Variants in KAZN observed in about 807,000 individuals in gnomAD.
KAZN encodes the protein kazrin, periplakin interacting protein.
In KAZN, 40 loss-of-function variants were observed where a neutral mutation model predicts 87.4. The observed-to-expected ratio is 0.46, with a 90% CI of 0.36 to 0.60. The LOEUF (loss-of-function observed/expected upper bound fraction) is 0.60. Among genes scored for constraint, KAZN ranks in the 20% least tolerant of loss-of-function variants. The probability of loss-of-function intolerance (pLI) is 0.00; values close to 1 mark genes in which losing one functional copy is unlikely to be tolerated. For synonymous variants in KAZN, 466 were observed against 458.3 expected (o/e 1.02, Z -0.22); for missense variants, 898 against 1,073.9 (o/e 0.84, Z 2.29).
chr1:14,901,565 C>G (rs1655911198), intron 1 of KAZN, among the ~76,000 whole-genome samples: 1 of 152,102 alleles, frequency 6.6e-6, no homozygotes, highest in Non-Finnish European at 1.5e-5. Flanking sequence ...CAGCAGGAGG[C>G]TGCTGTGATC....
chr1:14,387,407 A>C (rs1187826423), intron 2 of KAZN, among the ~76,000 whole-genome samples: 1 of 151,996 alleles, frequency 6.6e-6, no homozygotes, highest in African/African-American at 2.4e-5. Flanking sequence ...TAGAGTTTCC[A>C]GTTTTTCTGC....
chr1:14,484,760 G>T (rs1669260921), intron 2 of KAZN, among the ~76,000 whole-genome samples: 1 of 152,204 alleles, frequency 6.6e-6, no homozygotes, highest in African/African-American at 2.4e-5. Context: ...TCTCTCACAT[G>T]TCTGGGGCAT....
intron 1 of KAZN, among the ~76,000 whole-genome samples, chr1:13,943,788 T>C (rs1290373702): frequency 2.5e-4 from 38 of 152,180 alleles, no homozygotes. Context: ...GAAAAGATAC[T>C]CAACAGCATT....
Position 15,094,652 on chromosome 1 carries a change from C to T in KAZN, c.1429-163C>T, listed in dbSNP as rs1006956565. 1.1e-4 allele frequency among the ~76,000 whole-genome samples: 17 copies of T among 152,346 alleles called. No homozygotes were observed. Among genetic ancestry groups the T allele is most frequent in the South Asian group, 4.1e-4 (2 of 4,832 alleles). On this transcript the variant is annotated intron_variant, in intron 9 of 14. Coordinates refer to ENST00000376030, the MANE Select transcript of KAZN (RefSeq NM_201628.3). The surrounding 1 kb of genome is among the most constrained non-coding windows in gnomAD (Gnocchi z 4.5). Reference sequence around the variant, plus strand: ...GCTCCCTCTGCCTGAACAGGGATTCCGCCCCACATCAGAGTTGCAGAGGTT... The same window carrying T: ...GCTCCCTCTGCCTGAACAGGGATTCTGCCCCACATCAGAGTTGCAGAGGTT...
intron 1 of KAZN, among the ~76,000 whole-genome samples, chr1:14,725,826 G>T (rs1309377100): frequency 6.6e-6 from 1 of 152,324 alleles, no homozygotes; most frequent in African/African-American, 2.4e-5. Flanking sequence ...TGGGGTGGCT[G>T]AGCCTCTGCA....
intron 2 of KAZN, among the ~76,000 whole-genome samples, chr1:14,444,306 ATTTTTTT>A (rs35461813): frequency 1.1e-5 from 1 of 95,230 alleles, no homozygotes; most frequent in African/African-American, 4.5e-5. Flanking sequence ...TAAATTCATG[ATTTTTTT>A]TTTTTTTTTT....
chr1:14,591,392 G>C (rs575224585), intron 2 of KAZN, among the ~76,000 whole-genome samples: 3 of 150,108 alleles, frequency 2.0e-5, no homozygotes, highest in Non-Finnish European at 4.4e-5. Context: ...ATATTCTCTT[G>C]TAAGGCCCCG....
At chr1:14,243,192 G>A (rs1415613844) in intron 2 of KAZN, among the ~76,000 whole-genome samples, 1 of 151,926 alleles carries the variant, frequency 6.6e-6, no homozygotes, top group African/African-American at 2.4e-5. Context: ...CCTTCTCTTG[G>A]GCTCTCTCCA....
intron 2 of KAZN, among the ~76,000 whole-genome samples, chr1:14,287,277 C>G (rs753248214): frequency 5.3e-5 from 8 of 152,168 alleles, no homozygotes; most frequent in Non-Finnish European, 7.3e-5. Flanking sequence ...TTGTCTTTCT[C>G]TGCACTCATC....
At chr1:14,617,520 C>A (rs1181474390) in intron 1 of KAZN, among the ~76,000 whole-genome samples, 1 of 152,138 alleles carries the variant, frequency 6.6e-6, no homozygotes, top group Non-Finnish European at 1.5e-5. Context: ...AACAAAAAAG[C>A]CTTGGTATCT....
Position 14,824,401 on chromosome 1 carries a change from G to A in KAZN, c.227-136283G>A, listed in dbSNP as rs114691393. Among the ~76,000 whole-genome samples, 645 of 152,284 alleles carry A rather than the reference G, an allele frequency of 4.2e-3. 9 individuals are homozygous for A. The highest frequency in any genetic ancestry group is 0.014 in the African/African-American group (599 of 41,562). Reference sequence around the variant, plus strand: ...GTGCATTGACTACTGCTCCTGGGAGGTATATTTAAGAAATGATAACCAATT... The same window carrying A: ...GTGCATTGACTACTGCTCCTGGGAGATATATTTAAGAAATGATAACCAATT... On this transcript the variant is annotated intron_variant, in intron 1 of 14. Transcript: ENST00000376030.
intron 1 of KAZN, among the ~76,000 whole-genome samples, chr1:13,896,134 A>G (rs1475757791): frequency 2.0e-5 from 3 of 151,234 alleles, no homozygotes; most frequent in African/African-American, 4.9e-5. Flanking sequence ...ATGCTGGTCT[A>G]GGGCAGGGGT....
rs181733717 is a variant in KAZN, at chr1:14,957,225, G to A, written c.227-3459G>A. Among the ~76,000 whole-genome samples, 85 of 152,310 alleles carry A rather than the reference G, an allele frequency of 5.6e-4. 1 individual carries two copies. In the East Asian group the frequency reaches 0.015, roughly 27 times the overall value. ...CTCCTACTTAGGAGTTTTGCTAAGA[G>A]ACTTGCTGCCTCCATGGCATATGAG... On this transcript the variant is annotated intron_variant, in intron 1 of 14. Coordinates refer to ENST00000376030, the MANE Select transcript of KAZN (RefSeq NM_201628.3).
Position 14,856,257 on chromosome 1 carries a change from C to T in KAZN, c.227-104427C>T, listed in dbSNP as rs765063620. ...GACCAGAAATAACTTTCCCCACGTG[C>T]ATTATTAAGTGAATGTGAAGAATAC... On this transcript the variant is annotated intron_variant, in intron 1 of 14. Coordinates refer to ENST00000376030, the MANE Select transcript of KAZN (RefSeq NM_201628.3). This position sits in a 1 kb window ranked among gnomAD's most constrained non-coding sequence, Gnocchi z 5.2. Among the ~76,000 whole-genome samples the T allele has an allele frequency of 1.3e-5, 2 of 152,150 alleles. No homozygotes were observed. Among genetic ancestry groups the T allele is most frequent in the Non-Finnish European group, 2.9e-5 (2 of 68,036 alleles).
chr1:14,275,632 A>T (rs1652289933), intron 2 of KAZN, among the ~76,000 whole-genome samples: 1 of 152,194 alleles, frequency 6.6e-6, no homozygotes, highest in South Asian at 2.1e-4. Context: ...TCATAAGGCC[A>T]TTCATTTTAC....
chr1:14,340,952 A>G (rs1458417190), intron 2 of KAZN, among the ~76,000 whole-genome samples: 4 of 128,300 alleles, frequency 3.1e-5, no homozygotes, highest in Non-Finnish European at 4.6e-5. Context: ...CAGTGGCACA[A>G]TCTCGACTCA....
chr1:15,094,380 G>A lies in KAZN; in HGVS notation c.1423G>A (p.Gly475Arg), dbSNP rs1010238591. 7 of 1,611,262 alleles carry A rather than the reference G, an allele frequency of 4.3e-6. No homozygotes were observed. The highest frequency in any genetic ancestry group is 2.2e-5 in the East Asian group (1 of 44,792). Residue 475 changes from glycine to arginine, a missense_variant, in exon 9 of 15, where the codon GGG becomes AGG. Physicochemically the swap from Gly to Arg is moderately radical, Grantham distance 125. Around this residue, in one of 3 missense-constraint regions of KAZN, gnomAD observed 521 missense variants for 689.4 expected, o/e 0.76. Coordinates refer to ENST00000376030, the MANE Select transcript of KAZN (RefSeq NM_201628.3). The surrounding 1 kb of genome is among the most constrained non-coding windows in gnomAD (Gnocchi z 4.5). ...VKACTENVKSGKVLLSLSDED... is the reference protein window; with the variant it reads ...VKACTENVKSRKVLLSLSDED... ...GGCCTGCACGGAGAACGTGAAGAGC[G>A]GGAAGGTAGGCAACTCCGGGCCCCC...
In KAZN at chr1:14,960,630, C is replaced by T. The variant is rs11808058; in HGVS notation, c.227-54C>T. The T allele has an allele frequency of 0.013, 20,008 of 1,518,432 alleles. 2,097 individuals carry two copies. The African/African-American group carries it at 0.24, about 18-fold the overall frequency. The allele number at this position is 1,518,432 out of a possible 1,614,324, so 94.1% of individuals were successfully genotyped here. On this transcript the variant is annotated intron_variant, in intron 1 of 14. Transcript: ENST00000376030. ...CACCTCAAACCATCCCCAGAAAATG[C>T]GAGTGAGCGGCAGAGACGTTCCTGT... is the stretch of plus-strand genomic sequence containing the variant.
intron 1 of KAZN, among the ~76,000 whole-genome samples, chr1:14,920,622 T>A (rs1658403672): frequency 6.6e-6 from 1 of 152,078 alleles, no homozygotes; most frequent in South Asian, 2.1e-4. Context: ...CTCCTGGAAG[T>A]AGAACTGGCT....
Sources: allele counts gnomAD v4.1 joint callset (sites outside exome capture counted in the v4.1 genomes callset), GRCh38; gene constraint gnomAD v4.1.1; regional missense constraint gnomAD v4.1.1; non-coding constraint Gnocchi (gnomAD v3.1); transcripts MANE v1.5; gene names NCBI Gene and HGNC (gene_info 2026-07-23, HGNC 2026-07-21).